Variants in SLIT1 observed in about 807,000 individuals in gnomAD.
The protein encoded by SLIT1 is slit homolog 1 protein.
A neutral mutation model predicts 186.1 loss-of-function variants in SLIT1; 66 were observed. The ratio of observed to expected loss-of-function variants is 0.35; its 90% CI spans 0.29 to 0.44. SLIT1 has a LOEUF of 0.44. Ranked by LOEUF, SLIT1 falls within the 20% of genes least tolerant of loss-of-function variation. SLIT1 has a pLI of 1.00. For synonymous variants in SLIT1, 761 were observed against 833.8 expected, an observed-to-expected ratio of 0.91 and a Z score of 1.50; for missense variants, 1,638 against 2,037.4, an observed-to-expected ratio of 0.80 and a Z score of 3.77.
At chr10:97,069,897 T>C (rs1195153143) in intron 4 of SLIT1, among the ~76,000 whole-genome samples, 1 of 152,180 alleles carries the variant, frequency 6.6e-6, no homozygotes, top group Non-Finnish European at 1.5e-5. Context: ...ATGGAAACGG[T>C]AATGGATAAC....
At chr10:97,099,511 A>C (rs1359042910) in intron 4 of SLIT1, among the ~76,000 whole-genome samples, 1 of 152,206 alleles carries the variant, frequency 6.6e-6, no homozygotes, top group Non-Finnish European at 1.5e-5. Flanking sequence ...TCTGTTGTAC[A>C]TCTGGGTAGG....
At chr10:97,089,017 T>C (rs1347185600) in intron 4 of SLIT1, among the ~76,000 whole-genome samples, 3 of 152,112 alleles carry the variant, frequency 2.0e-5, no homozygotes, top group Non-Finnish European at 4.4e-5. Flanking sequence ...GCAGGTGCAC[T>C]CCTGGGCAGC....
intron 26 of SLIT1, among the ~76,000 whole-genome samples, chr10:97,020,831 C>A (rs1052825738): frequency 1.3e-5 from 2 of 152,254 alleles, no homozygotes; most frequent in Non-Finnish European, 2.9e-5. Context: ...CCTCCAGTGA[C>A]ACTCCAGCTC....
chr10:97,153,870 C>T (rs1849911642), intron 4 of SLIT1: 1 of 152,176 alleles, frequency 6.6e-6, no homozygotes, highest in African/African-American at 2.4e-5. Context: ...TCAGAAATAA[C>T]GAGAAATGGC....
intron 4 of SLIT1, among the ~76,000 whole-genome samples, chr10:97,067,135 G>C (rs1323060501): frequency 1.3e-5 from 2 of 152,206 alleles, no homozygotes; most frequent in Non-Finnish European, 2.9e-5. Context: ...GCACCTCCGA[G>C]AGCCTAGGCC....
In SLIT1 at chr10:97,013,866, A is replaced by C. The variant is rs776861805; in HGVS notation, c.3110-32T>G. 3.3e-6 allele frequency: 5 copies of C among 1,532,498 alleles called. No individual in the cohort carries two copies. In the South Asian group the frequency reaches 3.6e-5, roughly 11 times the overall value. 94.9% of individuals were successfully genotyped at this position (1,532,498 alleles called of 1,614,324 possible). Reference sequence around the variant, plus strand: ...AAAGAACGAGCAAGGGGCAGGAGAGAAGCTGCTCTCCTGTGCTCTGCCGGG... The same window carrying C: ...AAAGAACGAGCAAGGGGCAGGAGAGCAGCTGCTCTCCTGTGCTCTGCCGGG... On this transcript the variant is annotated intron_variant, in intron 29 of 36. Transcript: ENST00000266058.
intron 1 of SLIT1, among the ~76,000 whole-genome samples, chr10:97,172,523 T>C (rs1251672020): frequency 6.6e-6 from 1 of 152,252 alleles, no homozygotes; most frequent in African/African-American, 2.4e-5. Context: ...CAGGAAAGAA[T>C]CTGCATTAAA....
Position 97,057,799 on chromosome 10 carries a change from A to G in SLIT1, c.1086-518T>C. ...TCAAAGTTTTCTGCATTGAGCATGAATTCCATGTATAGGTTTTTTAAAAAA... is the reference window on the plus strand; with the variant it reads ...TCAAAGTTTTCTGCATTGAGCATGAGTTCCATGTATAGGTTTTTTAAAAAA... On this transcript the variant is annotated intron_variant, in intron 11 of 36. Transcript: ENST00000266058. 3 of 536,454 alleles carry G rather than the reference A, an allele frequency of 5.6e-6. No individual in the cohort carries two copies. In the South Asian group the frequency reaches 8.7e-5, roughly 16 times the overall value. The allele number at this position is 536,454 out of a possible 1,614,324, so 33.2% of individuals were successfully genotyped here.
At chr10:97,090,558 G>A (rs1342547460) in intron 4 of SLIT1, among the ~76,000 whole-genome samples, 1 of 150,488 alleles carries the variant, frequency 6.6e-6, no homozygotes, top group Non-Finnish European at 1.5e-5. Context: ...ATTTTATAAG[G>A]AGAACTGGTT....
At chr10:97,037,092 G>T (rs7075754) in intron 22 of SLIT1, among the ~76,000 whole-genome samples, 1 of 140,130 alleles carries the variant, frequency 7.1e-6, no homozygotes, top group Non-Finnish European at 1.6e-5. Flanking sequence ...GTGTGTGTGT[G>T]TGTGTGTATG....
At chr10:97,107,979 C>T (rs550858118) in intron 4 of SLIT1, among the ~76,000 whole-genome samples, 8 of 152,298 alleles carry the variant, frequency 5.3e-5, no homozygotes, top group African/African-American at 1.9e-4. Context: ...GGTGAGGCTC[C>T]GGTCCGGGGG....
chr10:97,123,817 G>A (rs576812322), intron 4 of SLIT1, among the ~76,000 whole-genome samples: 14 of 150,102 alleles, frequency 9.3e-5, no homozygotes, highest in Admixed American at 8.0e-4. Context: ...TGGAGACAGA[G>A]TAGAAACATA....
rs1589368062 is a variant in SLIT1 at position 97,031,341 on chromosome 10, G to A, written c.2510+265C>T. 2.6e-5 allele frequency among the ~76,000 whole-genome samples: 4 copies of A among 152,312 alleles called. No homozygotes were observed. In the South Asian group the frequency reaches 8.3e-4, roughly 32 times the overall value. On this transcript the variant is annotated intron_variant, in intron 24 of 36. Transcript: ENST00000266058. ...AACAGAAGTCTCACATGCAAATGAA[G>A]GGCCACCTTATTTTGGATGTCCCGC...
rs2134584717 is a variant in SLIT1, at chr10:97,002,356, G to T, written c.4168C>A (p.Gln1390Lys). 6.2e-7 allele frequency: 1 copy of T among 1,604,276 alleles called. No homozygotes were observed. Among genetic ancestry groups the T allele is most frequent in the East Asian group, 2.2e-5 (1 of 44,718 alleles). Residue 1390 changes from glutamine (Q) to lysine (K), a missense_variant, in exon 36 of 37, where the codon CAA becomes AAA. By Grantham distance (53) the Gln-to-Lys change is moderately conservative. Coordinates refer to ENST00000266058, the MANE Select transcript of SLIT1 (RefSeq NM_003061.3). ...GAAAGAGCGTCGAGGGGCACGCATT[G>T]CCCATGGACACACCTGGAGGAGACA... ...PCHGHKCVHG[Q>K]CVPLDALSYS...
chr10:97,174,227 G>T (rs925774639), intron 1 of SLIT1, among the ~76,000 whole-genome samples: 10 of 152,220 alleles, frequency 6.6e-5, no homozygotes, highest in Non-Finnish European at 1.5e-5. Context: ...CCTGTGAGGG[G>T]AGAGGCCACA....
rs757950592 is a variant in SLIT1 at position 97,002,380 on chromosome 10, CAG to C, written c.4155-13_4155-12del. 4.4e-6 allele frequency: 7 copies of C among 1,581,700 alleles called. No homozygotes were observed. Among genetic ancestry groups the C allele is most frequent in the South Asian group, 1.1e-5 (1 of 89,114 alleles). On this transcript the variant is annotated splice_polypyrimidine_tract_variant and intron_variant, in intron 35 of 36. Transcript: ENST00000266058. ...TGCCCATGGACACACCTGGAGGAGA[CAG>C]AGAAAAGGCGCTGTGAGGACAAACC...
At chr10:97,145,749 C>T (rs1050896357) in intron 4 of SLIT1, among the ~76,000 whole-genome samples, 1 of 152,184 alleles carries the variant, frequency 6.6e-6, no homozygotes, top group East Asian at 1.9e-4. Context: ...CCTGCAAGAG[C>T]AGGAGACACT....
chr10:97,043,140 C>T lies in SLIT1; in HGVS notation c.1998-73G>A. On this transcript the variant is annotated intron_variant, in intron 19 of 36. Coordinates refer to ENST00000266058, the MANE Select transcript of SLIT1 (RefSeq NM_003061.3). This position sits in a 1 kb window ranked among gnomAD's most constrained non-coding sequence, Gnocchi z 7.0. ...GAGGTCCCAGCAAACCCCTCCTGTA[C>T]CACGGACACAGGGCCACATGGCCAC... 1 of 1,512,428 alleles carries T rather than the reference C, an allele frequency of 6.6e-7. No individual in the cohort carries two copies. Among genetic ancestry groups the T allele is most frequent in the Non-Finnish European group, 9.0e-7 (1 of 1,109,544 alleles). The allele number at this position is 1,512,428 out of a possible 1,614,324, so 93.7% of individuals were successfully genotyped here.
intron 23 of SLIT1, 55 bp from the exon 24 acceptor site, chr10:97,031,732 G>T: frequency 7.1e-7 from 1 of 1,413,204 alleles, no homozygotes; most frequent in Non-Finnish European, 9.7e-7. Context: ...GCCCCTGTGG[G>T]CACAGCCGCC....
Sources: gnomAD v4.1 joint callset for allele counts (sites outside exome capture counted in the v4.1 genomes callset) on GRCh38, gnomAD v4.1.1 for gene constraint, Gnocchi (gnomAD v3.1) non-coding constraint, MANE v1.5 for transcripts, NCBI Gene and HGNC (gene_info 2026-07-23, HGNC 2026-07-21) for gene names.